Variants in TMCO4 observed in about 807,000 individuals in gnomAD.
TMCO4 encodes transmembrane and coiled-coil domains 4, also known as transmembrane and coiled-coil domain-containing protein 4.
A neutral mutation model predicts 64.7 loss-of-function variants in TMCO4; 58 were observed. That is an observed-to-expected ratio of 0.90 (90% CI 0.73 to 1.12). The LOEUF (loss-of-function observed/expected upper bound fraction) is 1.12, where lower values mean the gene tolerates loss of function less well. Ranked by LOEUF, TMCO4 falls within the 50% of genes most tolerant of loss-of-function variation. TMCO4 has a pLI of 0.00. For synonymous variants in TMCO4, 325 were observed against 346.1 expected, an observed-to-expected ratio of 0.94 and a Z score of 0.68; for missense variants, 780 against 825.9, an observed-to-expected ratio of 0.94 and a Z score of 0.68.
intron 2 of TMCO4, among the ~76,000 whole-genome samples, chr1:19,794,229 C>A (rs2044194820): frequency 6.6e-6 from 1 of 152,204 alleles, no homozygotes; most frequent in South Asian, 2.1e-4. Flanking sequence ...GTGCTCAAAT[C>A]TCACACTTCA....
At chr1:19,715,488 C>G (rs759831824) in intron 13 of TMCO4, among the ~76,000 whole-genome samples, 1 of 152,258 alleles carries the variant, frequency 6.6e-6, no homozygotes, top group African/African-American at 2.4e-5. Flanking sequence ...CCTGTCACAG[C>G]GAGTATCTGA....
At chr1:19,774,237 C>G (rs1230540486) in intron 4 of TMCO4, among the ~76,000 whole-genome samples, 1 of 152,202 alleles carries the variant, frequency 6.6e-6, no homozygotes, top group Non-Finnish European at 1.5e-5. Flanking sequence ...GGGCCAAGGA[C>G]TACAGCATGG....
Position 19,683,153 on chromosome 1 carries a change from C to T in TMCO4, c.1792G>A (p.Ala598Thr). The change falls in exon 16 of 16, where the codon GCT (alanine) becomes ACT (threonine). Residue 598 changes from alanine (A) to threonine (T), a missense_variant. Transcript: ENST00000294543. ...GGGGGCCTTTCAGGGCTGGCAGCAG[C>T]AGGAAGGGAGGCCCCTTCAGACTGG... is the stretch of plus-strand genomic sequence containing the variant. ...LDQSEGASLPAAASPERPPIC... is the reference protein window; with the variant it reads ...LDQSEGASLPTAASPERPPIC... 1 of 1,614,138 alleles carries T rather than the reference C, an allele frequency of 6.2e-7. No individual in the cohort carries two copies. Among genetic ancestry groups the T allele is most frequent in the South Asian group, 1.1e-5 (1 of 91,076 alleles).
intron 3 of TMCO4, among the ~76,000 whole-genome samples, chr1:19,783,611 T>A (rs1271477652): frequency 6.6e-6 from 1 of 152,258 alleles, no homozygotes; most frequent in East Asian, 1.9e-4. Flanking sequence ...TTAATTCTTA[T>A]AACTACCATG....
intron 6 of TMCO4, among the ~76,000 whole-genome samples, chr1:19,760,722 GTTTAT>G (rs1260638760): frequency 1.3e-5 from 2 of 152,198 alleles, no homozygotes; most frequent in East Asian, 3.8e-4. Flanking sequence ...TTGCCTACTT[GTTTAT>G]TTTGTCTCCT....
chr1:19,745,301 T>C (rs1400938950), intron 10 of TMCO4, among the ~76,000 whole-genome samples: 1 of 80,722 alleles, frequency 1.2e-5, no homozygotes, highest in African/African-American at 4.8e-5. Flanking sequence ...GGTGGGTGGG[T>C]AGGTGGATGG....
intron 6 of TMCO4, among the ~76,000 whole-genome samples, chr1:19,756,903 C>T (rs1029055138): frequency 6.6e-6 from 1 of 151,978 alleles, no homozygotes; most frequent in Non-Finnish European, 1.5e-5. Flanking sequence ...AAAATAAATG[C>T]TTATATAATG....
chr1:19,699,347 C>G (rs2095256517), intron 14 of TMCO4, among the ~76,000 whole-genome samples: 1 of 151,912 alleles, frequency 6.6e-6, no homozygotes, highest in South Asian at 2.1e-4. Context: ...GACTATTATT[C>G]CTATTTTATA....
intron 7 of TMCO4, among the ~76,000 whole-genome samples, chr1:19,749,494 T>C (rs937707127): frequency 6.6e-6 from 1 of 151,980 alleles, no homozygotes; most frequent in African/African-American, 2.4e-5. Flanking sequence ...CGGCCTCCCA[T>C]GTAGCTGGGA....
intron 15 of TMCO4, among the ~76,000 whole-genome samples, chr1:19,690,341 AC>A (rs1196770803): frequency 6.6e-6 from 1 of 152,056 alleles, no homozygotes; most frequent in Non-Finnish European, 1.5e-5. Flanking sequence ...TTAATACACC[AC>A]CGTCTATTGG....
chr1:19,697,259 C>A (rs1044388368), intron 14 of TMCO4, among the ~76,000 whole-genome samples: 12 of 152,072 alleles, frequency 7.9e-5, no homozygotes, highest in African/African-American at 2.9e-4. Context: ...CCACCCAGTA[C>A]TATATATATA....
intron 7 of TMCO4, among the ~76,000 whole-genome samples, chr1:19,748,706 T>C (rs2041896352): frequency 6.6e-6 from 1 of 152,110 alleles, no homozygotes. Flanking sequence ...GCGCCTGTAA[T>C]TCCAGCTACT....
At chr1:19,788,272 AC>A (rs2043844673) in intron 2 of TMCO4, among the ~76,000 whole-genome samples, 1 of 152,214 alleles carries the variant, frequency 6.6e-6, no homozygotes, top group African/African-American at 2.4e-5. Context: ...GACTGGAAGA[AC>A]AGCCTCCAAA....
intron 13 of TMCO4, among the ~76,000 whole-genome samples, chr1:19,723,098 T>C (rs907110302): frequency 6.6e-6 from 1 of 152,174 alleles, no homozygotes; most frequent in African/African-American, 2.4e-5. Context: ...ACCTTCTCTC[T>C]CTCTGGCCCT....
intron 13 of TMCO4, among the ~76,000 whole-genome samples, chr1:19,703,434 TTTCCC>T (rs899132114): frequency 3.0e-4 from 45 of 151,782 alleles, no homozygotes; most frequent in Non-Finnish European, 4.1e-4. Context: ...TCCCTTTTTC[TTTCCC>T]TTCCCTTCCC....
At chr1:19,749,847 T>C (rs1033086362) in intron 7 of TMCO4, among the ~76,000 whole-genome samples, 7 of 152,218 alleles carry the variant, frequency 4.6e-5, no homozygotes, top group African/African-American at 1.7e-4. Flanking sequence ...GAAATACACC[T>C]TTAATCCTGT....
intron 15 of TMCO4, among the ~76,000 whole-genome samples, chr1:19,689,706 A>G (rs2095177022): frequency 6.6e-6 from 1 of 152,220 alleles, no homozygotes; most frequent in African/African-American, 2.4e-5. Context: ...TACTTTCTTC[A>G]GCAGATGCTT....
Position 19,766,026 on chromosome 1 carries a change from G to A in TMCO4, c.382+4516C>T, listed in dbSNP as rs558449843. ...GCCCACCCATCCTTCTATTGCTCTCGCCCTCCTTCTCTCCATCCAACAAGT... is the reference window on the plus strand; with the variant it reads ...GCCCACCCATCCTTCTATTGCTCTCACCCTCCTTCTCTCCATCCAACAAGT... On this transcript the variant is annotated intron_variant, in intron 6 of 15. Transcript: ENST00000294543. 9.9e-5 allele frequency among the ~76,000 whole-genome samples: 13 copies of A among 131,538 alleles called. No individual in the cohort carries two copies. The South Asian group carries it at 2.8e-3, about 28-fold the overall frequency. The allele number at this position is 131,538 out of a possible 152,430, so 86.3% of individuals were successfully genotyped here.
chr1:19,707,656 G>C (rs1176564675), intron 13 of TMCO4, among the ~76,000 whole-genome samples: 1 of 152,084 alleles, frequency 6.6e-6, no homozygotes, highest in African/African-American at 2.4e-5. Flanking sequence ...GTCTGCCTGG[G>C]CACATGCCAC....
Sources: gnomAD v4.1 joint callset for allele counts (sites outside exome capture counted in the v4.1 genomes callset) on GRCh38, gnomAD v4.1.1 for gene constraint, MANE v1.5 for transcripts, NCBI Gene and HGNC (gene_info 2026-07-23, HGNC 2026-07-21) for gene names.